The following CDK8 variants were observed in gnomAD, a reference collection of about 807,000 sequenced individuals.
The protein encoded by CDK8 is cyclin dependent kinase 8.
A neutral mutation model predicts 71.5 loss-of-function variants in CDK8; 29 were observed. The ratio of observed to expected loss-of-function variants is 0.41; its 90% CI spans 0.30 to 0.55. The LOEUF (loss-of-function observed/expected upper bound fraction) is 0.55. Ranked by LOEUF, CDK8 falls within the 20% of genes least tolerant of loss-of-function variation. The pLI is 0.37. For missense variants in CDK8, 288 were observed against 572.6 expected (o/e 0.50, Z 5.07); for synonymous variants, 161 against 192.1 (o/e 0.84, Z 1.34).
At chr13:26,271,621 A>G (rs1239331401) in intron 1 of CDK8, among the ~76,000 whole-genome samples, 3 of 151,910 alleles carry the variant, frequency 2.0e-5, no homozygotes, top group African/African-American at 7.3e-5. Context: ...CAGCCTGGGC[A>G]GTATACTTGA....
intron 1 of CDK8, among the ~76,000 whole-genome samples, chr13:26,325,965 C>G (rs528680321): frequency 6.6e-6 from 1 of 152,112 alleles, no homozygotes; most frequent in African/African-American, 2.4e-5. Context: ...GTTGAGTCAT[C>G]TGAACGAAAA....
At chr13:26,338,338 A>G (rs1390775638) in intron 2 of CDK8, among the ~76,000 whole-genome samples, 1 of 152,112 alleles carries the variant, frequency 6.6e-6, no homozygotes, top group African/African-American at 2.4e-5. Flanking sequence ...ATATTTACCC[A>G]TAATAGTCTA....
At position 26,304,834 on chromosome 13, in the gene CDK8, AATT is replaced by A. The variant is rs549128146; in HGVS notation, c.129-32723_129-32721del. On this transcript the variant is annotated intron_variant, in intron 1 of 12. Coordinates refer to ENST00000381527, the MANE Select transcript of CDK8 (RefSeq NM_001260.3). ...ATTTTTTTTTAATTTTAAAATTTTA[AATT>A]ATTATTATTTTATAGAGATGAGGGT... Among the ~76,000 whole-genome samples, 789 of 151,694 alleles carry A rather than the reference AATT, an allele frequency of 5.2e-3. 5 individuals carry two copies. The highest frequency in any genetic ancestry group is 0.018 in the African/African-American group (727 of 41,356).
chr13:26,355,203 T>G (rs1873842471), intron 4 of CDK8, among the ~76,000 whole-genome samples: 1 of 152,248 alleles, frequency 6.6e-6, no homozygotes, highest in East Asian at 1.9e-4. Flanking sequence ...TTACTTTATC[T>G]CCAGTTCTCA....
Position 26,369,304 on chromosome 13 carries a change from G to A in CDK8, c.457-13510G>A, listed in dbSNP as rs138934153. ...TACAAAAAAAAAAATGCAGAAATTCGCCAGGTGTGGTGATGCATGCCTGTG... is the reference window on the plus strand; with the variant it reads ...TACAAAAAAAAAAATGCAGAAATTCACCAGGTGTGGTGATGCATGCCTGTG... On this transcript the variant is annotated intron_variant, in intron 4 of 12. Coordinates refer to ENST00000381527, the MANE Select transcript of CDK8 (RefSeq NM_001260.3). Among the ~76,000 whole-genome samples, 866 of 151,158 alleles carry A rather than the reference G, an allele frequency of 5.7e-3. 10 individuals are homozygous for A. The highest frequency in any genetic ancestry group is 0.02 in the African/African-American group (819 of 41,206).
At position 26,404,245 on chromosome 13, in the gene CDK8, T is replaced by G; in HGVS notation, c.*164T>G. On this transcript the variant is annotated 3_prime_UTR_variant, in exon 13 of 13. Transcript: ENST00000381527. Reference sequence around the variant, plus strand: ...ACTTTTCACAGATTGGGGTAGTGGCTTCCAAGTTGTACCTATTTTGGAGTT... The same window carrying G: ...ACTTTTCACAGATTGGGGTAGTGGCGTCCAAGTTGTACCTATTTTGGAGTT... The G allele has an allele frequency of 2.8e-6, 2 of 711,654 alleles. No homozygotes were observed. The highest frequency in any genetic ancestry group is 4.4e-6 in the Non-Finnish European group (2 of 451,294). The allele number at this position is 711,654 out of a possible 1,614,324, so 44.1% of individuals were successfully genotyped here. A position where few individuals can be genotyped will look rare whatever the true frequency, so the allele number is the denominator to read the frequency against.
At chr13:26,399,226 T>A (rs1488231981) in intron 9 of CDK8, among the ~76,000 whole-genome samples, 1 of 152,066 alleles carries the variant, frequency 6.6e-6, no homozygotes, top group African/African-American at 2.4e-5. Context: ...ACCAGGCTGG[T>A]CTCGAACTCC....
chr13:26,323,298 TGAGA>T (rs10523917), intron 1 of CDK8, among the ~76,000 whole-genome samples: 2,596 of 131,266 alleles, frequency 0.02, 39 homozygotes, highest in African/African-American at 0.041. Flanking sequence ...TCCTCACATG[TGAGA>T]GAGAGAGAGA....
chr13:26,259,642 C>T (rs1472557060), intron 1 of CDK8, among the ~76,000 whole-genome samples: 5 of 152,074 alleles, frequency 3.3e-5, no homozygotes, highest in African/African-American at 7.2e-5. Context: ...CATTCAGATC[C>T]GCTATTTAGG....
intron 1 of CDK8, among the ~76,000 whole-genome samples, chr13:26,302,764 T>G (rs1873878386): frequency 6.6e-6 from 1 of 152,228 alleles, no homozygotes; most frequent in South Asian, 2.1e-4. Context: ...AAGTTTGAAG[T>G]CCATCTGCAC....
chr13:26,392,737 G>GA (rs952747829), intron 6 of CDK8, among the ~76,000 whole-genome samples: 2 of 151,780 alleles, frequency 1.3e-5, no homozygotes, highest in Middle Eastern at 3.4e-3. Context: ...AACCACTTTG[G>GA]AAAAAAAACT....
At chr13:26,371,893 C>T (rs931007078) in intron 4 of CDK8, among the ~76,000 whole-genome samples, 3 of 152,110 alleles carry the variant, frequency 2.0e-5, no homozygotes, top group African/African-American at 4.8e-5. Flanking sequence ...GCTGAGATTA[C>T]GAGCATGAGC....
chr13:26,340,830 T>C (rs1873209262), intron 2 of CDK8, among the ~76,000 whole-genome samples: 1 of 152,192 alleles, frequency 6.6e-6, no homozygotes, highest in African/African-American at 2.4e-5. Flanking sequence ...AGGTGTGGTG[T>C]ATAGTCCTTG....
chr13:26,300,281 A>C (rs1389480611), intron 1 of CDK8, among the ~76,000 whole-genome samples: 1 of 152,136 alleles, frequency 6.6e-6, no homozygotes, highest in Admixed American at 6.6e-5. Flanking sequence ...TTTTAATCTG[A>C]TAACCAAGAC....
chr13:26,275,533 T>C (rs1283831385), intron 1 of CDK8, among the ~76,000 whole-genome samples: 1 of 152,200 alleles, frequency 6.6e-6, no homozygotes, highest in Non-Finnish European at 1.5e-5. Context: ...GTAATATTTG[T>C]GACATATGAA....
At chr13:26,260,928 G>C (rs1871742446) in intron 1 of CDK8, among the ~76,000 whole-genome samples, 1 of 152,092 alleles carries the variant, frequency 6.6e-6, no homozygotes, top group South Asian at 2.1e-4. Flanking sequence ...ATTGTCTCTT[G>C]ACTCTTTTTC....
At chr13:26,355,620 A>C (rs1042894661) in intron 4 of CDK8, among the ~76,000 whole-genome samples, 1 of 152,158 alleles carries the variant, frequency 6.6e-6, no homozygotes, top group African/African-American at 2.4e-5. Flanking sequence ...TCTCTAAAAA[A>C]TAAAAGAAAA....
At chr13:26,348,325 A>T (rs993710579) in intron 2 of CDK8, among the ~76,000 whole-genome samples, 1 of 152,126 alleles carries the variant, frequency 6.6e-6, no homozygotes, top group African/African-American at 2.4e-5. Flanking sequence ...CAGCACCGGT[A>T]CGTTAGGAAT....
intron 2 of CDK8, among the ~76,000 whole-genome samples, chr13:26,347,795 C>T (rs1873521524): frequency 1.3e-5 from 2 of 152,086 alleles, no homozygotes; most frequent in Non-Finnish European, 2.9e-5. Flanking sequence ...GGAGAAATAA[C>T]CAGTGTTGGT....
Sources: gnomAD v4.1 joint callset for allele counts (sites outside exome capture counted in the v4.1 genomes callset) on GRCh38, gnomAD v4.1.1 for gene constraint, MANE v1.5 for transcripts, NCBI Gene and HGNC (gene_info 2026-07-23, HGNC 2026-07-21) for gene names.